EPB41L4A: variants seen among roughly 807,000 people sequenced by gnomAD.
EPB41L4A encodes the protein erythrocyte membrane protein band 4.1 like 4A, also known as band 4.1-like protein 4A.
A neutral mutation model predicts 108.6 loss-of-function variants in EPB41L4A; 100 were observed. That is an observed-to-expected ratio of 0.92 (90% CI 0.78 to 1.09). EPB41L4A has a LOEUF of 1.09. EPB41L4A is among the 50% of genes least tolerant of loss of function. The pLI, the probability that EPB41L4A is intolerant of heterozygous loss-of-function variation, is 0.00. For missense variants in EPB41L4A, 1,030 were observed against 842.7 expected, an observed-to-expected ratio of 1.22 and a Z score of -2.75; for synonymous variants, 319 against 289.0, an observed-to-expected ratio of 1.10 and a Z score of -1.05.
intron 12 of EPB41L4A, among the ~76,000 whole-genome samples, chr5:112,212,650 A>G (rs1190113869): frequency 1.3e-5 from 2 of 152,154 alleles, no homozygotes; most frequent in Non-Finnish European, 2.9e-5. Flanking sequence ...ATGTGGTGGT[A>G]TTCTTAGCAG....
At chr5:112,226,672 G>C (rs1748476238) in intron 12 of EPB41L4A, among the ~76,000 whole-genome samples, 1 of 150,686 alleles carries the variant, frequency 6.6e-6, no homozygotes, top group South Asian at 2.1e-4. Flanking sequence ...GTGGGGAGGA[G>C]AGGAGGGTAG....
chr5:112,244,561 G>A (rs1056429372), intron 9 of EPB41L4A, among the ~76,000 whole-genome samples: 15 of 152,150 alleles, frequency 9.9e-5, no homozygotes, highest in South Asian at 6.2e-4. Flanking sequence ...TGCAGAAGGC[G>A]GTGTCTGATT....
rs1021795844 is a variant in EPB41L4A, at chr5:112,164,145, C to T, written c.*845G>A. On this transcript the variant is annotated 3_prime_UTR_variant, in exon 23 of 23. Coordinates refer to ENST00000261486, the MANE Select transcript of EPB41L4A (RefSeq NM_022140.5). ...TGAGATCCACTTACACTTCTGAAAACGCAAGAACACTTTAGAAATTAACAA... is the reference window on the plus strand; with the variant it reads ...TGAGATCCACTTACACTTCTGAAAATGCAAGAACACTTTAGAAATTAACAA... 1.3e-5 allele frequency: 2 copies of T among 152,156 alleles called. No individual in the cohort carries two copies. The highest frequency in any genetic ancestry group is 2.4e-5 in the African/African-American group (1 of 41,430). The allele number at this position is 152,156 out of a possible 1,614,324, so 9.4% of individuals were successfully genotyped here.
intron 9 of EPB41L4A, among the ~76,000 whole-genome samples, chr5:112,258,562 A>G (rs544783558): frequency 6.6e-6 from 1 of 152,332 alleles, no homozygotes; most frequent in African/African-American, 2.4e-5. Context: ...TAGCACTTCA[A>G]TGAAGCATTA....
intron 17 of EPB41L4A, among the ~76,000 whole-genome samples, chr5:112,184,480 C>CAA (rs1177880884): frequency 1.3e-5 from 2 of 152,158 alleles, no homozygotes; most frequent in African/African-American, 4.8e-5. Flanking sequence ...ACCAATGCTA[C>CAA]AAAATCATTA....
At chr5:112,398,376 T>C (rs956248081) in intron 1 of EPB41L4A, among the ~76,000 whole-genome samples, 1 of 152,062 alleles carries the variant, frequency 6.6e-6, no homozygotes, top group Admixed American at 6.6e-5. Flanking sequence ...TTCTTTAGAA[T>C]GTGGGGTTTT....
At chr5:112,207,822 G>T (rs756527211) in intron 13 of EPB41L4A, among the ~76,000 whole-genome samples, 32 of 152,156 alleles carry the variant, frequency 2.1e-4, no homozygotes, top group African/African-American at 3.1e-4. Flanking sequence ...ACTGTTGGGG[G>T]AAATATAAAT....
Position 112,262,475 on chromosome 5 carries a change from T to C in EPB41L4A, c.642+19A>G. Reference sequence around the variant, plus strand: ...TGTCATCAGCTTAAAATATTTTGTGTTAATTAAATGTTACTCACATAGACG... The same window carrying C: ...TGTCATCAGCTTAAAATATTTTGTGCTAATTAAATGTTACTCACATAGACG... On this transcript the variant is annotated intron_variant, in intron 7 of 22. Transcript: ENST00000261486. The C allele has an allele frequency of 6.2e-7, 1 of 1,601,094 alleles. No individual in the cohort carries two copies. Among genetic ancestry groups the C allele is most frequent in the Non-Finnish European group, 8.6e-7 (1 of 1,169,580 alleles).
chr5:112,391,378 C>T (rs138482203), intron 1 of EPB41L4A, among the ~76,000 whole-genome samples: 34 of 147,036 alleles, frequency 2.3e-4, no homozygotes, highest in African/African-American at 8.3e-4. Flanking sequence ...GCAGAGAAGA[C>T]CTTAAATGAC....
At chr5:112,175,329 A>G (rs1330144462) in intron 18 of EPB41L4A, 3 of 152,224 alleles carry the variant, frequency 2.0e-5, no homozygotes, top group Non-Finnish European at 4.4e-5. Context: ...AGTGATAAAC[A>G]TCAACTGTAG....
At chr5:112,287,343 T>C (rs1445017761) in intron 2 of EPB41L4A, among the ~76,000 whole-genome samples, 1 of 152,212 alleles carries the variant, frequency 6.6e-6, no homozygotes, top group African/African-American at 2.4e-5. Flanking sequence ...TTGGTTCCAG[T>C]CAAAACCTCT....
chr5:112,354,476 G>C lies in EPB41L4A; in HGVS notation c.100-46986C>G, dbSNP rs187981284. ...TCCGGCAACACTGCAGATAGGCATA[G>C]AAAAATGAGGGAAGCTCTGTGGTAA... On this transcript the variant is annotated intron_variant, in intron 1 of 22. Coordinates refer to ENST00000261486, the MANE Select transcript of EPB41L4A (RefSeq NM_022140.5). Among the ~76,000 whole-genome samples the C allele has an allele frequency of 1.4e-3, 215 of 152,280 alleles. 1 individual carries two copies. The highest frequency in any genetic ancestry group is 4.9e-3 in the African/African-American group (204 of 41,572).
At chr5:112,246,379 A>G (rs1253014992) in intron 9 of EPB41L4A, among the ~76,000 whole-genome samples, 1 of 152,180 alleles carries the variant, frequency 6.6e-6, no homozygotes, top group Admixed American at 6.5e-5. Flanking sequence ...TCAGTACAGT[A>G]ACATGCTGTA....
intron 12 of EPB41L4A, among the ~76,000 whole-genome samples, chr5:112,152,227 A>G (rs990302171): frequency 2.0e-5 from 3 of 152,214 alleles, no homozygotes; most frequent in Non-Finnish European, 2.9e-5. Context: ...AGAGAGATGA[A>G]ATGGAAGAAC....
intron 1 of EPB41L4A, among the ~76,000 whole-genome samples, chr5:112,418,048 G>C (rs1762810768): frequency 6.7e-6 from 1 of 150,200 alleles, no homozygotes; most frequent in African/African-American, 2.5e-5. Context: ...CAGAGCGGGG[G>C]CGGGGGGGCG....
At chr5:112,359,424 A>G (rs1171788480) in intron 1 of EPB41L4A, among the ~76,000 whole-genome samples, 2 of 152,174 alleles carry the variant, frequency 1.3e-5, no homozygotes, top group African/African-American at 2.4e-5. Context: ...TTTCTTCCTA[A>G]TGCTCCCCCT....
At chr5:112,183,112 C>A (rs994683520) in intron 18 of EPB41L4A, among the ~76,000 whole-genome samples, 1 of 152,044 alleles carries the variant, frequency 6.6e-6, no homozygotes, top group Non-Finnish European at 1.5e-5. Flanking sequence ...GTGAACCCCC[C>A]GGTACACTCC....
rs577184297 is a variant in EPB41L4A at position 112,184,046 on chromosome 5, T to C, written c.1592A>G (p.Asn531Ser). Residue 531 changes from asparagine to serine, a missense_variant, in exon 18 of 23, where the codon AAC becomes AGC. By Grantham distance (46) the Asn-to-Ser change is conservative. Coordinates refer to ENST00000261486, the MANE Select transcript of EPB41L4A (RefSeq NM_022140.5). ...RQKEKNQADPNNRRSRHRSRS... is the reference protein window; with the variant it reads ...RQKEKNQADPSNRRSRHRSRS... ...AGATCTGTGTCTGGATCGCCTGTTG[T>C]TGGGGTCGGCTTGGTTTTTTTCCTT... 1.9e-6 allele frequency: 3 copies of C among 1,614,052 alleles called. No homozygotes were observed. The highest frequency in any genetic ancestry group is 2.7e-5 in the African/African-American group (2 of 75,042).
At chr5:112,251,621 G>C (rs1750677635) in intron 9 of EPB41L4A, among the ~76,000 whole-genome samples, 1 of 152,142 alleles carries the variant, frequency 6.6e-6, no homozygotes, top group Admixed American at 6.6e-5. Context: ...GGATTAACCA[G>C]AAAACAATGA....
Sources: allele counts gnomAD v4.1 joint callset (sites outside exome capture counted in the v4.1 genomes callset), GRCh38; gene constraint gnomAD v4.1.1; transcripts MANE v1.5; gene names NCBI Gene and HGNC (gene_info 2026-07-23, HGNC 2026-07-21).